The following BIRC6 variants were observed in gnomAD, a reference collection of about 807,000 sequenced individuals.
The protein encoded by BIRC6 is baculoviral IAP repeat containing 6, also known as dual E2 ubiquitin-conjugating enzyme/E3 ubiquitin-protein ligase BIRC6.
BIRC6 carries 98 observed loss-of-function variants against 503.3 expected under a neutral mutation model. The ratio of observed to expected loss-of-function variants is 0.19; its 90% CI spans 0.17 to 0.23. The LOEUF (loss-of-function observed/expected upper bound fraction) is 0.23, where lower values mean the gene tolerates loss of function less well. Among genes scored for constraint, BIRC6 ranks in the 10% least tolerant of loss-of-function variants. BIRC6 has a pLI of 1.00. For synonymous variants in BIRC6, 2,240 were observed against 2,078.7 expected (o/e 1.08, Z -2.11); for missense variants, 5,360 against 5,806.0 (o/e 0.92, Z 2.50).
In BIRC6 at chr2:32,529,799, T is replaced by A. The variant is rs1376238535; in HGVS notation, c.12069T>A (p.Ser4023=). 6.2e-7 allele frequency: 1 copy of A among 1,610,898 alleles called. No individual in the cohort carries two copies. Among genetic ancestry groups the A allele is most frequent in the South Asian group, 1.1e-5 (1 of 90,550 alleles). The stretch of plus-strand genomic sequence containing the variant: ...ACCCCAGTCTATCAAAAACAGATTC[T>A]TATAAAAGACTACACCCTGAAAAAG... ...ITDPSLSKTD[S]YKRLHPEKDH... Residue 4023 remains serine (S), a synonymous_variant, in exon 60 of 74, where the codon TCT becomes TCA. Transcript: ENST00000421745.
intron 59 of BIRC6, chr2:32,527,731 A>C (rs900352276): frequency 2.0e-5 from 3 of 152,318 alleles, no homozygotes; most frequent in African/African-American, 7.2e-5. Context: ...AGAGTTCAGC[A>C]GTAAGCTGGA....
At chr2:32,511,631 A>G (rs1189796464) in intron 53 of BIRC6, among the ~76,000 whole-genome samples, 1 of 151,592 alleles carries the variant, frequency 6.6e-6, no homozygotes, top group Non-Finnish European at 1.5e-5. Flanking sequence ...CACCCGGCCA[A>G]CTTGAAGTAG....
intron 6 of BIRC6, among the ~76,000 whole-genome samples, chr2:32,397,802 A>T (rs2040138367): frequency 6.6e-6 from 1 of 152,068 alleles, no homozygotes; most frequent in African/African-American, 2.4e-5. Context: ...GTTATACAGT[A>T]TTATCAAATA....
chr2:32,382,027 CAG>C (rs1558575709), intron 3 of BIRC6, among the ~76,000 whole-genome samples: 1 of 152,066 alleles, frequency 6.6e-6, no homozygotes, highest in African/African-American at 2.4e-5. Flanking sequence ...TGAGTTTCAA[CAG>C]AGATAATTTA....
chr2:32,469,900 T>G (rs900935137), intron 30 of BIRC6, among the ~76,000 whole-genome samples: 1 of 152,212 alleles, frequency 6.6e-6, no homozygotes, highest in Non-Finnish European at 1.5e-5. Flanking sequence ...CTAAATGTGT[T>G]TGTTTGTGGC....
At chr2:32,548,998 C>T (rs1456234043) in intron 64 of BIRC6, 1 of 174,310 alleles carries the variant, frequency 5.7e-6, no homozygotes, top group African/African-American at 2.4e-5. Flanking sequence ...TTGTTACCTT[C>T]AAACTGTGAA....
rs549849518 is a variant in BIRC6, at chr2:32,510,758, T to C, written c.10346+124T>C. 3.2e-5 allele frequency: 21 copies of C among 657,788 alleles called. No individual in the cohort carries two copies. In the African/African-American group the frequency reaches 3.4e-4, roughly 11 times the overall value. The allele number at this position is 657,788 out of a possible 1,614,324, so 40.7% of individuals were successfully genotyped here. On this transcript the variant is annotated intron_variant, in intron 53 of 73. Coordinates refer to ENST00000421745, the MANE Select transcript of BIRC6 (RefSeq NM_016252.4). ...ACAATACTGTGATATATTGTATGTTTACCATATGCCTCACACGATGTAACT... is the reference window on the plus strand; with the variant it reads ...ACAATACTGTGATATATTGTATGTTCACCATATGCCTCACACGATGTAACT...
chr2:32,529,995 C>CT (rs2056596314), intron 60 of BIRC6, among the ~76,000 whole-genome samples, 171 bp downstream of exon 60: 2 of 152,006 alleles, frequency 1.3e-5, no homozygotes, highest in Admixed American at 6.6e-5. Flanking sequence ...CATTTGGAAA[C>CT]TAAGTTGCAT....
Position 32,473,372 on chromosome 2 carries a change from T to A in BIRC6, c.6720+133T>A, listed in dbSNP as rs2049319436. 5.8e-6 allele frequency: 4 copies of A among 688,874 alleles called. No individual in the cohort carries two copies. In the South Asian group the frequency reaches 9.4e-5, roughly 16 times the overall value. 42.7% of individuals were successfully genotyped at this position (688,874 alleles called of 1,614,324 possible). On this transcript the variant is annotated intron_variant, in intron 33 of 73. Coordinates refer to ENST00000421745, the MANE Select transcript of BIRC6 (RefSeq NM_016252.4). ...TAGCTTAGGAAAATCATCTAACACT[T>A]TGGAGACTTCAATTTCCTTAATTGT...
At chr2:32,516,593 C>CA (rs370418768) in intron 55 of BIRC6, among the ~76,000 whole-genome samples, 84,863 of 135,636 alleles carry the variant, frequency 0.63, 25,984 homozygotes, top group Non-Finnish European at 0.66. Flanking sequence ...GACTCCATCT[C>CA]AAAAAAAAAA....
intron 64 of BIRC6, 125 bp downstream of exon 64, chr2:32,548,139 C>G (rs1036774571): frequency 1.9e-5 from 15 of 780,978 alleles, no homozygotes; most frequent in Non-Finnish European, 2.8e-5. Flanking sequence ...TCCTTCTTCC[C>G]AGTGCATTCT....
At chr2:32,373,730 G>C (rs1056540579) in intron 1 of BIRC6, among the ~76,000 whole-genome samples, 3 of 152,146 alleles carry the variant, frequency 2.0e-5, no homozygotes, top group Admixed American at 6.6e-5. Flanking sequence ...TCGCTGTTCT[G>C]TTTCTGGGTG....
chr2:32,493,831 C>T (rs1438320232), intron 45 of BIRC6, among the ~76,000 whole-genome samples, 164 bp downstream of exon 45: 1 of 152,074 alleles, frequency 6.6e-6, no homozygotes, highest in African/African-American at 2.4e-5. Flanking sequence ...TGATTGTTTC[C>T]ATTTCATTTC....
chr2:32,600,930 T>C (rs2151522378), intron 70 of BIRC6, among the ~76,000 whole-genome samples: 1 of 152,296 alleles, frequency 6.6e-6, no homozygotes, highest in East Asian at 1.9e-4. Context: ...CTGGGCCACT[T>C]TGGAAGAAGA....
rs115485674 is a variant in BIRC6 at position 32,395,635 on chromosome 2, G to T, written c.1034+42G>T. 1.1e-3 allele frequency: 1,592 copies of T among 1,484,332 alleles called. 18 individuals carry two copies. In the African/African-American group the frequency reaches 0.019, roughly 18 times the overall value. 91.9% of individuals were successfully genotyped at this position (1,484,332 alleles called of 1,614,324 possible). A position where few individuals can be genotyped will look rare whatever the true frequency, so the allele number is the denominator to read the frequency against. On this transcript the variant is annotated intron_variant, in intron 6 of 73. Coordinates refer to ENST00000421745, the MANE Select transcript of BIRC6 (RefSeq NM_016252.4). The stretch of plus-strand genomic sequence containing the variant: ...CTGGGCATAATAGGCTAAGTCAGTC[G>T]TGTAAATAATGCTTCTAAATTTTAC...
chr2:32,434,842 A>G (rs2044524481), intron 13 of BIRC6, among the ~76,000 whole-genome samples: 1 of 152,224 alleles, frequency 6.6e-6, no homozygotes, highest in African/African-American at 2.4e-5. Context: ...CCTAGGTGAC[A>G]GAGTGAGACT....
At chr2:32,413,382 G>T (rs1017873195) in intron 9 of BIRC6, among the ~76,000 whole-genome samples, 6 of 151,952 alleles carry the variant, frequency 3.9e-5, no homozygotes, top group Admixed American at 3.9e-4. Context: ...GTTTCTCCAT[G>T]TTGGTCAGGC....
At chr2:32,387,637 T>A (rs1261404510) in intron 3 of BIRC6, among the ~76,000 whole-genome samples, 2 of 152,188 alleles carry the variant, frequency 1.3e-5, no homozygotes, top group African/African-American at 2.4e-5. Flanking sequence ...TAGTTGCTAT[T>A]GCTGGATTAT....
chr2:32,515,308 A>G lies in BIRC6; in HGVS notation c.10887A>G (p.Ser3629=), dbSNP rs1164162257. ...AAGCTATTAAACAATTACTAGACTC[A>G]GGTTTGCCTTCTCTTCTTGTGAGGA... is the stretch of plus-strand genomic sequence containing the variant. The part of the protein sequence containing the change: ...SPEAIKQLLD[S]GLPSLLVRSL... The change falls in exon 55 of 74, where the codon TCA becomes TCG. Residue 3629 remains serine, a synonymous_variant. Transcript: ENST00000421745. The G allele has an allele frequency of 6.2e-7, 1 of 1,613,914 alleles. No individual in the cohort carries two copies. The highest frequency in any genetic ancestry group is 2.2e-5 in the East Asian group (1 of 44,878).
Sources: allele counts gnomAD v4.1 joint callset (sites outside exome capture counted in the v4.1 genomes callset), GRCh38; gene constraint gnomAD v4.1.1; transcripts MANE v1.5; gene names NCBI Gene and HGNC (gene_info 2026-07-23, HGNC 2026-07-21).